EIF2AK3: variants seen among roughly 807,000 people sequenced by gnomAD.
EIF2AK3 encodes the protein eukaryotic translation initiation factor 2 alpha kinase 3.
A neutral mutation model predicts 113.5 loss-of-function variants in EIF2AK3; 50 were observed. That is an observed-to-expected ratio of 0.44 (90% CI 0.35 to 0.56). The LOEUF is 0.56. Among genes scored for constraint, EIF2AK3 ranks in the 20% least tolerant of loss-of-function variants. The pLI is 0.00. For missense variants in EIF2AK3, 1,185 were observed against 1,378.0 expected (o/e 0.86, Z 2.22); for synonymous variants, 448 against 495.4 (o/e 0.90, Z 1.27).
At chr2:88,603,439 G>T (rs1473488465) in intron 2 of EIF2AK3, among the ~76,000 whole-genome samples, 1 of 152,110 alleles carries the variant, frequency 6.6e-6, no homozygotes, top group Non-Finnish European at 1.5e-5. Context: ...CTGATGTTCT[G>T]TTTTGCTGCA....
chr2:88,609,611 G>A (rs1004604187), intron 2 of EIF2AK3, among the ~76,000 whole-genome samples: 6 of 152,140 alleles, frequency 3.9e-5, no homozygotes, highest in Non-Finnish European at 7.4e-5. Context: ...ACATGCTAAA[G>A]CATGTCTTGA....
chr2:88,573,124 T>G (rs1008966696), intron 13 of EIF2AK3, among the ~76,000 whole-genome samples: 1 of 151,870 alleles, frequency 6.6e-6, no homozygotes, highest in African/African-American at 2.4e-5. Context: ...TTTTTTTTTT[T>G]TGGTTGGGGG....
At chr2:88,584,567 TAGAG>T (rs1330766981) in intron 9 of EIF2AK3, among the ~76,000 whole-genome samples, 1 of 136,676 alleles carries the variant, frequency 7.3e-6, no homozygotes, top group East Asian at 2.1e-4. Context: ...AGTCTAGAGG[TAGAG>T]AGAGAAATTA....
At chr2:88,564,191 G>A (rs994049135) in intron 14 of EIF2AK3, among the ~76,000 whole-genome samples, 2 of 152,166 alleles carry the variant, frequency 1.3e-5, no homozygotes, top group African/African-American at 4.8e-5. Context: ...CAAGAACAAA[G>A]TAACCATGGG....
intron 2 of EIF2AK3, among the ~76,000 whole-genome samples, chr2:88,605,271 A>C (rs1407338596): frequency 6.6e-6 from 1 of 152,210 alleles, no homozygotes; most frequent in South Asian, 2.1e-4. Context: ...GCTTTATTTT[A>C]TTCTCTATTG....
intron 13 of EIF2AK3, 93 bp downstream of exon 13, chr2:88,574,573 A>G: frequency 6.8e-7 from 1 of 1,474,404 alleles, no homozygotes; most frequent in Non-Finnish European, 9.3e-7. Flanking sequence ...ACTCTCCCCA[A>G]CTCTTAAGGA....
chr2:88,601,269 C>T (rs1436279083), intron 2 of EIF2AK3, among the ~76,000 whole-genome samples: 2 of 152,344 alleles, frequency 1.3e-5, no homozygotes, highest in East Asian at 3.9e-4. Context: ...CAGGATTCTA[C>T]ATGTCATTTA....
Position 88,576,689 on chromosome 2 carries a change from T to TC in EIF2AK3, c.1900dup (p.Glu634GlyfsTer8). Reference sequence around the variant, plus strand: ...GGCTTTAACTTCTCGCATTACCTTTTCCCGAGCCAATTCCCTGAAAGAGAG... The same window carrying TC: ...GGCTTTAACTTCTCGCATTACCTTTTCCCCGAGCCAATTCCCTGAAAGAGAG... On this transcript the variant is annotated frameshift_variant, in exon 12 of 17. Coordinates refer to ENST00000303236, the MANE Select transcript of EIF2AK3 (RefSeq NM_004836.7). LOFTEE classifies it high-confidence loss of function. 1.9e-6 allele frequency: 3 copies of TC among 1,614,086 alleles called. No homozygotes were observed. Among genetic ancestry groups the TC allele is most frequent in the Non-Finnish European group, 2.5e-6 (3 of 1,180,002 alleles).
intron 9 of EIF2AK3, among the ~76,000 whole-genome samples, chr2:88,584,416 C>A (rs971978648): frequency 2.7e-5 from 4 of 150,108 alleles, no homozygotes; most frequent in African/African-American, 9.9e-5. Flanking sequence ...ACTCGGGAGG[C>A]TGAAGAACAA....
intron 2 of EIF2AK3, among the ~76,000 whole-genome samples, chr2:88,600,834 A>G (rs1209328401): frequency 1.3e-5 from 2 of 152,216 alleles, no homozygotes; most frequent in Non-Finnish European, 2.9e-5. Flanking sequence ...ACCATAAGAA[A>G]AAATGTTTTC....
At chr2:88,617,663 A>G (rs1339617486) in intron 1 of EIF2AK3, among the ~76,000 whole-genome samples, 1 of 151,370 alleles carries the variant, frequency 6.6e-6, no homozygotes, top group East Asian at 2.0e-4. Context: ...AGGCTAAGGC[A>G]GGGGAATCGC....
intron 13 of EIF2AK3, 51 bp from the exon 14 acceptor site, chr2:88,571,092 A>G: frequency 6.3e-7 from 1 of 1,582,600 alleles, no homozygotes; most frequent in Non-Finnish European, 8.7e-7. Context: ...TGGAGGCGAA[A>G]AAGTAAAGAG....
At chr2:88,606,859 A>G (rs1675291991) in intron 2 of EIF2AK3, among the ~76,000 whole-genome samples, 1 of 152,218 alleles carries the variant, frequency 6.6e-6, no homozygotes, top group Admixed American at 6.5e-5. Flanking sequence ...TGTCTGAAAC[A>G]GAAAGGCGGT....
At chr2:88,618,837 C>T (rs576725764) in intron 1 of EIF2AK3, among the ~76,000 whole-genome samples, 2 of 152,270 alleles carry the variant, frequency 1.3e-5, no homozygotes, top group East Asian at 3.9e-4. Flanking sequence ...TCCTTGGAAG[C>T]CACTCTCAAG....
At chr2:88,603,094 G>C (rs1463572218) in intron 2 of EIF2AK3, among the ~76,000 whole-genome samples, 1 of 152,068 alleles carries the variant, frequency 6.6e-6, no homozygotes, top group African/African-American at 2.4e-5. Context: ...AGGTGATGGG[G>C]CAACAGCACA....
At position 88,589,843 on chromosome 2, in the gene EIF2AK3, T is replaced by C. The variant is rs1483821226; in HGVS notation, c.1165+600A>G. ...GGATTACAGGTGCGTGCCACCATTC[T>C]TGGCTAATGAGTAATTTGAAATCAT... On this transcript the variant is annotated intron_variant, in intron 6 of 16. Coordinates refer to ENST00000303236, the MANE Select transcript of EIF2AK3 (RefSeq NM_004836.7). Among the ~76,000 whole-genome samples, 7 of 152,188 alleles carry C rather than the reference T, an allele frequency of 4.6e-5. No individual in the cohort carries two copies. The East Asian group carries it at 1.4e-3, about 29-fold the overall frequency.
intron 12 of EIF2AK3, 92 bp from the exon 13 acceptor site, chr2:88,575,538 A>T: frequency 7.4e-7 from 1 of 1,358,658 alleles, no homozygotes; most frequent in Non-Finnish European, 1.0e-6. Flanking sequence ...CTTCAACTGT[A>T]ATAAGGCCAC....
intron 1 of EIF2AK3, among the ~76,000 whole-genome samples, chr2:88,621,827 G>C (rs1675731730): frequency 6.6e-6 from 1 of 151,850 alleles, no homozygotes; most frequent in Non-Finnish European, 1.5e-5. Flanking sequence ...TTTAACATAA[G>C]CGTAACAGAT....
chr2:88,583,857 A>T (rs1476668878), intron 9 of EIF2AK3, among the ~76,000 whole-genome samples: 1 of 152,072 alleles, frequency 6.6e-6, no homozygotes, highest in African/African-American at 2.4e-5. Context: ...CCTGGGCAAG[A>T]CTAGAGTGAT....
Sources: allele counts gnomAD v4.1 joint callset (sites outside exome capture counted in the v4.1 genomes callset), GRCh38; gene constraint gnomAD v4.1.1; transcripts MANE v1.5; gene names NCBI Gene and HGNC (gene_info 2026-07-23, HGNC 2026-07-21).